ASAP2: variants seen among roughly 807,000 people sequenced by gnomAD.
ASAP2 encodes ArfGAP with SH3 domain, ankyrin repeat and PH domain 2, also known as arf-GAP with SH3 domain, ANK repeat and PH domain-containing protein 2.
In ASAP2, 45 loss-of-function variants were observed where a neutral mutation model predicts 131.4. The observed-to-expected ratio is 0.34, with a 90% CI of 0.27 to 0.44. ASAP2 has a LOEUF of 0.44. Among genes scored for constraint, ASAP2 ranks in the 20% least tolerant of loss-of-function variants. The pLI is 1.00. For missense variants in ASAP2, 1,011 were observed against 1,297.0 expected, an observed-to-expected ratio of 0.78 and a Z score of 3.39; for synonymous variants, 510 against 503.0, an observed-to-expected ratio of 1.01 and a Z score of -0.19.
At chr2:9,283,628 C>T (rs182374024) in intron 2 of ASAP2, among the ~76,000 whole-genome samples, 8 of 152,242 alleles carry the variant, frequency 5.3e-5, no homozygotes, top group Non-Finnish European at 8.8e-5. Context: ...TTAGATGGCT[C>T]GGGCTGCTAT....
intron 1 of ASAP2, among the ~76,000 whole-genome samples, chr2:9,208,689 A>G (rs138405112): frequency 6.6e-6 from 1 of 152,344 alleles, no homozygotes; most frequent in Non-Finnish European, 1.5e-5. Context: ...TTTAGCAGCA[A>G]GGCTTACAGA....
chr2:9,258,614 A>G (rs1044912076), intron 1 of ASAP2, among the ~76,000 whole-genome samples: 3 of 152,138 alleles, frequency 2.0e-5, no homozygotes, highest in Non-Finnish European at 2.9e-5. Context: ...TTCAGTCCCC[A>G]CAACAAATGC....
intron 3 of ASAP2, among the ~76,000 whole-genome samples, chr2:9,306,160 GA>G (rs1364127422): frequency 6.6e-6 from 1 of 150,676 alleles, no homozygotes; most frequent in African/African-American, 2.5e-5. Context: ...ACATGGGGTG[GA>G]GGGGCTCTAG....
chr2:9,207,091 C>T lies in ASAP2; in HGVS notation c.-14C>T, dbSNP rs745592918. 2 of 1,567,282 alleles carry T rather than the reference C, an allele frequency of 1.3e-6. No homozygotes were observed. Among genetic ancestry groups the T allele is most frequent in the Middle Eastern group, 1.7e-4 (1 of 5,886 alleles). On this transcript the variant is annotated 5_prime_UTR_variant, in exon 1 of 28. Transcript: ENST00000281419. The surrounding 1 kb of genome is among the most constrained non-coding windows in gnomAD (Gnocchi z 4.1). The stretch of plus-strand genomic sequence containing the variant: ...GCCCCTGCGGCTGTGCGCCAGCGCC[C>T]TCGCGCCGAGGCGATGCCGGACCAG...
intron 2 of ASAP2, among the ~76,000 whole-genome samples, chr2:9,286,447 A>AAAAAAAAAT (rs58605449): frequency 6.7e-6 from 1 of 148,420 alleles, no homozygotes; most frequent in African/African-American, 2.5e-5. Context: ...GAAAAAAAAA[A>AAAAAAAAAT]ATATATATAT....
chr2:9,312,837 G>A (rs1483251416), intron 3 of ASAP2, among the ~76,000 whole-genome samples: 2 of 152,070 alleles, frequency 1.3e-5, no homozygotes, highest in African/African-American at 4.8e-5. Flanking sequence ...CCTTTACAGT[G>A]GTCATCAGAG....
At chr2:9,222,789 G>C (rs2136841) in intron 1 of ASAP2, among the ~76,000 whole-genome samples, 85,863 of 151,918 alleles carry the variant, frequency 0.57, 25,874 homozygotes, top group African/African-American at 0.79. Flanking sequence ...AGAAATGGCC[G>C]TTCACCTTTT....
intron 2 of ASAP2, among the ~76,000 whole-genome samples, chr2:9,287,666 C>A (rs1317344901): frequency 6.6e-6 from 1 of 152,202 alleles, no homozygotes; most frequent in Non-Finnish European, 1.5e-5. Flanking sequence ...AAGGTTCCTG[C>A]AGCGGGTGGA....
Position 9,389,273 on chromosome 2 carries a change from A to G in ASAP2, c.2383+727A>G, listed in dbSNP as rs1675535721. On this transcript the variant is annotated intron_variant, in intron 22 of 27. Transcript: ENST00000281419. The surrounding 1 kb of genome is among the most constrained non-coding windows in gnomAD (Gnocchi z 4.7). ...TCTGGGCTGAGCTCCAGTCGTGGCCATGGCCTTCAGAGGGTTTCCCACATG... is the reference window on the plus strand; with the variant it reads ...TCTGGGCTGAGCTCCAGTCGTGGCCGTGGCCTTCAGAGGGTTTCCCACATG... Among the ~76,000 whole-genome samples, 2 of 152,194 alleles carry G rather than the reference A, an allele frequency of 1.3e-5. No individual in the cohort carries two copies. Among genetic ancestry groups the G allele is most frequent in the African/African-American group, 4.8e-5 (2 of 41,456 alleles).
At chr2:9,400,409 C>T (rs1390496555) in intron 25 of ASAP2, among the ~76,000 whole-genome samples, 8 of 112,396 alleles carry the variant, frequency 7.1e-5, no homozygotes, top group East Asian at 2.4e-4. Flanking sequence ...TTCCCCTCCC[C>T]TCCTCTCACC....
chr2:9,383,289 G>A (rs1256495658), intron 20 of ASAP2, among the ~76,000 whole-genome samples: 17 of 152,066 alleles, frequency 1.1e-4, no homozygotes, highest in Admixed American at 9.8e-4. Context: ...AAAAGACAGT[G>A]TCTCTCTGTT....
intron 1 of ASAP2, among the ~76,000 whole-genome samples, chr2:9,257,854 T>C (rs147412286): frequency 6.6e-6 from 1 of 152,186 alleles, no homozygotes; most frequent in Non-Finnish European, 1.5e-5. Context: ...AAAAAGAGAA[T>C]ACAAAGGTGG....
chr2:9,355,582 T>C (rs941832162), intron 12 of ASAP2, among the ~76,000 whole-genome samples: 1 of 152,250 alleles, frequency 6.6e-6, no homozygotes, highest in African/African-American at 2.4e-5. Flanking sequence ...CCTCTTGATT[T>C]AGCTACATTT....
chr2:9,353,191 C>T (rs1267403726), intron 12 of ASAP2, among the ~76,000 whole-genome samples: 2 of 152,134 alleles, frequency 1.3e-5, no homozygotes, highest in Non-Finnish European at 2.9e-5. Context: ...CTTCACCCCT[C>T]TCAGATTCCT....
chr2:9,262,200 A>G (rs2148204333), intron 1 of ASAP2, among the ~76,000 whole-genome samples: 1 of 152,294 alleles, frequency 6.6e-6, no homozygotes, highest in South Asian at 2.1e-4. Context: ...TATTAGTGGA[A>G]ATGAAAGGCT....
intron 11 of ASAP2, among the ~76,000 whole-genome samples, chr2:9,346,224 G>C (rs766690641): frequency 6.6e-6 from 1 of 152,028 alleles, no homozygotes; most frequent in Non-Finnish European, 1.5e-5. Flanking sequence ...GGTCAGGTTC[G>C]AGGCCAGCCT....
chr2:9,262,130 G>A (rs779228726), intron 1 of ASAP2, among the ~76,000 whole-genome samples: 3 of 152,124 alleles, frequency 2.0e-5, no homozygotes, highest in Non-Finnish European at 2.9e-5. Flanking sequence ...AATGATAGGC[G>A]CGTGCCATCA....
At chr2:9,322,617 T>C (rs1385998931) in intron 5 of ASAP2, among the ~76,000 whole-genome samples, 3 of 152,198 alleles carry the variant, frequency 2.0e-5, no homozygotes, top group Non-Finnish European at 4.4e-5. Context: ...ACAAGATGAA[T>C]GTAGAAAGGA....
Position 9,207,042 on chromosome 2 carries a change from T to C in ASAP2, c.-63T>C, listed in dbSNP as rs575547799. On this transcript the variant is annotated 5_prime_UTR_variant, in exon 1 of 28. Coordinates refer to ENST00000281419, the MANE Select transcript of ASAP2 (RefSeq NM_003887.3). The surrounding 1 kb of genome is among the most constrained non-coding windows in gnomAD (Gnocchi z 4.1). ...CGGTGTCCGAGCGGCGGTCGGAGCC[T>C]GCTGCGGCAGTTGAGGCGGCGGCGC... is the stretch of plus-strand genomic sequence containing the variant. The C allele has an allele frequency of 1.5e-6, 2 of 1,340,868 alleles. No individual in the cohort carries two copies. The highest frequency in any genetic ancestry group is 1.6e-5 in the South Asian group (1 of 61,292). 83.1% of individuals were successfully genotyped at this position (1,340,868 alleles called of 1,614,324 possible).
Sources: gnomAD v4.1 joint callset for allele counts (sites outside exome capture counted in the v4.1 genomes callset) on GRCh38, gnomAD v4.1.1 for gene constraint, Gnocchi (gnomAD v3.1) non-coding constraint, MANE v1.5 for transcripts, NCBI Gene and HGNC (gene_info 2026-07-23, HGNC 2026-07-21) for gene names.